Variants in SLC24A2 observed in about 807,000 individuals in gnomAD.
SLC24A2 encodes the protein sodium/potassium/calcium exchanger 2.
In SLC24A2, 36 loss-of-function variants were observed where a neutral mutation model predicts 62.0. The observed-to-expected ratio is 0.58, with a 90% CI of 0.44 to 0.77. SLC24A2 has a LOEUF of 0.77. Among genes scored for constraint, SLC24A2 ranks in the 30% least tolerant of loss-of-function variants. SLC24A2 has a pLI of 0.00. For synonymous variants in SLC24A2, 358 were observed against 294.0 expected (o/e 1.22, Z -2.23); for missense variants, 846 against 817.9 (o/e 1.03, Z -0.42).
intron 2 of SLC24A2, among the ~76,000 whole-genome samples, chr9:19,724,744 TA>T (rs1821121747): frequency 6.6e-6 from 1 of 152,100 alleles, no homozygotes; most frequent in African/African-American, 2.4e-5. Flanking sequence ...AAAAGGGAAA[TA>T]AAAAATATTT....
intron 2 of SLC24A2, among the ~76,000 whole-genome samples, chr9:19,707,401 T>A (rs1245233171): frequency 1.3e-5 from 2 of 152,236 alleles, no homozygotes; most frequent in Non-Finnish European, 2.9e-5. Flanking sequence ...CCCTAACTCA[T>A]TTTATTAGGC....
intron 6 of SLC24A2, among the ~76,000 whole-genome samples, chr9:19,574,110 G>A (rs974488271): frequency 2.6e-5 from 4 of 152,098 alleles, no homozygotes; most frequent in African/African-American, 7.2e-5. Context: ...TGACCTCCAA[G>A]GGACATTATG....
At chr9:19,666,405 T>TA (rs1280557708) in intron 2 of SLC24A2, among the ~76,000 whole-genome samples, 5 of 152,126 alleles carry the variant, frequency 3.3e-5, no homozygotes, top group East Asian at 1.9e-4. Context: ...GACACTGTTT[T>TA]AAAAAAATCA....
At chr9:19,982,295 C>T in the SLC24A2 span, among the ~76,000 whole-genome samples, 1 of 152,102 alleles carries the variant, frequency 6.6e-6, no homozygotes, top group South Asian at 2.1e-4. Flanking sequence ...GCAAGGTGTG[C>T]ATGTTTGTTG....
the SLC24A2 span, among the ~76,000 whole-genome samples, chr9:19,797,360 G>A: frequency 2.0e-5 from 3 of 152,188 alleles, no homozygotes; most frequent in Non-Finnish European, 4.4e-5. Context: ...TTTCCCACAA[G>A]TTCCTTTTTA....
chr9:19,938,891 A>T, the SLC24A2 span, among the ~76,000 whole-genome samples: 2 of 134,954 alleles, frequency 1.5e-5, no homozygotes, highest in Non-Finnish European at 3.3e-5. Flanking sequence ...GAGACTATGT[A>T]CAAAACAAAA....
the SLC24A2 span, among the ~76,000 whole-genome samples, chr9:19,842,460 C>T: frequency 2.6e-4 from 39 of 152,292 alleles, no homozygotes; most frequent in African/African-American, 8.9e-4. Flanking sequence ...TGCTTTGAAT[C>T]AGAGGTTATT....
chr9:19,548,999 C>A (rs1203784895), intron 8 of SLC24A2, among the ~76,000 whole-genome samples: 1 of 152,206 alleles, frequency 6.6e-6, no homozygotes, highest in Non-Finnish European at 1.5e-5. Context: ...CTCCTTAGTT[C>A]TTTCACCTCT....
the SLC24A2 span, among the ~76,000 whole-genome samples, chr9:20,002,120 G>C: frequency 6.6e-6 from 1 of 152,254 alleles, no homozygotes; most frequent in East Asian, 1.9e-4. Flanking sequence ...GATTGTTTTA[G>C]TACCACCACC....
intron 7 of SLC24A2, among the ~76,000 whole-genome samples, chr9:19,559,570 G>A (rs1251332119): frequency 1.3e-5 from 2 of 152,108 alleles, no homozygotes; most frequent in African/African-American, 4.8e-5. Context: ...GGTAGAGTTG[G>A]AACTCTTGAA....
At chr9:19,891,870 C>G in the SLC24A2 span, among the ~76,000 whole-genome samples, 1 of 152,176 alleles carries the variant, frequency 6.6e-6, no homozygotes, top group Non-Finnish European at 1.5e-5. Context: ...GCCCTCAAGA[C>G]CCAAACACCT....
the SLC24A2 span, among the ~76,000 whole-genome samples, chr9:19,829,763 ATATGTGTGTGTG>A: frequency 1.6e-4 from 12 of 76,162 alleles, no homozygotes; most frequent in South Asian, 1.0e-3. Flanking sequence ...TTTTATATAT[ATATGTGTGTGTG>A]TGTGTGTGTG....
intron 2 of SLC24A2, 44 bp downstream of exon 2, chr9:19,785,893 C>T: frequency 1.2e-6 from 2 of 1,613,604 alleles, no homozygotes; most frequent in Non-Finnish European, 8.5e-7. Context: ...TAATTCAGAA[C>T]CGTAGTCAAG....
chr9:20,013,858 C>G, the SLC24A2 span, among the ~76,000 whole-genome samples: 1 of 152,104 alleles, frequency 6.6e-6, no homozygotes, highest in Admixed American at 6.5e-5. Flanking sequence ...AAGGGAATTG[C>G]AAATTAAAAC....
At chr9:20,008,125 A>C in the SLC24A2 span, among the ~76,000 whole-genome samples, 2 of 151,326 alleles carry the variant, frequency 1.3e-5, no homozygotes, top group African/African-American at 4.9e-5. Context: ...TGAACTCCTG[A>C]CCTCAAGTGA....
intron 2 of SLC24A2, among the ~76,000 whole-genome samples, chr9:19,783,585 A>G (rs1196210192): frequency 1.3e-5 from 2 of 152,188 alleles, no homozygotes. Flanking sequence ...TTAAAATCAC[A>G]TTCAGAGATG....
chr9:19,979,209 C>A, the SLC24A2 span, among the ~76,000 whole-genome samples: 4 of 152,174 alleles, frequency 2.6e-5, no homozygotes, highest in African/African-American at 9.7e-5. Context: ...GCTTCTTAAA[C>A]TTTCATGTGC....
the SLC24A2 span, among the ~76,000 whole-genome samples, chr9:20,057,397 T>C: frequency 6.6e-6 from 1 of 152,198 alleles, no homozygotes; most frequent in Admixed American, 6.5e-5. Context: ...TTCAACTCCT[T>C]TCTCCTGTAG....
intron 2 of SLC24A2, among the ~76,000 whole-genome samples, chr9:19,639,970 A>C (rs1359815949): frequency 1.3e-5 from 2 of 152,270 alleles, no homozygotes; most frequent in African/African-American, 4.8e-5. Flanking sequence ...TGCCCTCTTA[A>C]AAATATGTTT....
Sources: gnomAD v4.1 joint callset for allele counts (sites outside exome capture counted in the v4.1 genomes callset) on GRCh38, gnomAD v4.1.1 for gene constraint, MANE v1.5 for transcripts, NCBI Gene and HGNC (gene_info 2026-07-23, HGNC 2026-07-21) for gene names.